Variants in CASD1 observed in about 807,000 individuals in gnomAD.
CASD1 encodes N-acetylneuraminate (7)9-O-acetyltransferase.
A neutral mutation model predicts 100.0 loss-of-function variants in CASD1; 41 were observed. That is an observed-to-expected ratio of 0.41 (90% CI 0.32 to 0.53). The LOEUF (loss-of-function observed/expected upper bound fraction) is 0.53, where lower values mean the gene tolerates loss of function less well. CASD1 is among the 20% of genes least tolerant of loss of function. The pLI is 0.25. For missense variants in CASD1, 774 were observed against 948.7 expected, an observed-to-expected ratio of 0.82 and a Z score of 2.42; for synonymous variants, 321 against 315.6, an observed-to-expected ratio of 1.02 and a Z score of -0.18.
the CASD1 span, among the ~76,000 whole-genome samples, chr7:94,592,830 A>G: frequency 2.2e-4 from 34 of 152,328 alleles, no homozygotes; most frequent in African/African-American, 7.2e-4. Flanking sequence ...ATTTGCATAA[A>G]GCCACAGAAT....
At chr7:94,598,137 C>T in the CASD1 span, 1 of 156,506 alleles carries the variant, frequency 6.4e-6, no homozygotes, top group Non-Finnish European at 1.4e-5. Flanking sequence ...TGCTGCATTA[C>T]AGCATTATAT....
At chr7:94,619,019 A>G in the CASD1 span, 1 of 1,213,986 alleles carries the variant, frequency 8.2e-7, no homozygotes, top group East Asian at 2.3e-5. Context: ...AAGGAAACAA[A>G]AGAACAATTT....
At chr7:94,514,444 G>T (rs780622973) in intron 1 of CASD1, among the ~76,000 whole-genome samples, 2 of 152,178 alleles carry the variant, frequency 1.3e-5, no homozygotes, top group Non-Finnish European at 2.9e-5. Context: ...ATGGTTGGTA[G>T]TAGGAAACAG....
chr7:94,512,120 T>G (rs917451726), intron 1 of CASD1, among the ~76,000 whole-genome samples: 5 of 152,214 alleles, frequency 3.3e-5, no homozygotes, highest in Non-Finnish European at 7.3e-5. Context: ...CACACAAAGA[T>G]AATCATACAT....
chr7:94,539,176 C>G (rs1272232620), intron 10 of CASD1, 120 bp downstream of exon 10: 10 of 432,590 alleles, frequency 2.3e-5, no homozygotes, highest in Non-Finnish European at 4.1e-5. Context: ...CTTCTTATTT[C>G]CCACTTAATC....
At position 94,554,583 on chromosome 7, in the gene CASD1, C is replaced by T; in HGVS notation, c.2127+8C>T. Reference sequence around the variant, plus strand: ...GGAAAAATTTCATTAGAGGTTGGTACATTAATATTTTGCTTATCTTACACA... The same window carrying T: ...GGAAAAATTTCATTAGAGGTTGGTATATTAATATTTTGCTTATCTTACACA... On this transcript the variant is annotated splice_region_variant and intron_variant, in intron 17 of 17. Transcript: ENST00000297273. 1 of 1,577,360 alleles carries T rather than the reference C, an allele frequency of 6.3e-7. No homozygotes were observed. Among genetic ancestry groups the T allele is most frequent in the Non-Finnish European group, 8.7e-7 (1 of 1,148,020 alleles).
chr7:94,546,177 A>G (rs1369792797), intron 12 of CASD1, among the ~76,000 whole-genome samples: 1 of 151,938 alleles, frequency 6.6e-6, no homozygotes, highest in Non-Finnish European at 1.5e-5. Context: ...ATTTAAAAGC[A>G]CTAATATAAT....
At chr7:94,513,326 C>T (rs1793813097) in intron 1 of CASD1, among the ~76,000 whole-genome samples, 1 of 149,860 alleles carries the variant, frequency 6.7e-6, no homozygotes, top group Non-Finnish European at 1.5e-5. Context: ...ATTGTACCAG[C>T]TAAGAGTTTT....
the CASD1 span, among the ~76,000 whole-genome samples, chr7:94,585,890 T>C: frequency 4.6e-5 from 7 of 151,764 alleles, no homozygotes; most frequent in Admixed American, 3.9e-4. Flanking sequence ...TGAGAAAACC[T>C]GAAGGGGCAT....
At chr7:94,570,731 G>T in the CASD1 span, among the ~76,000 whole-genome samples, 1 of 152,162 alleles carries the variant, frequency 6.6e-6, no homozygotes, top group Non-Finnish European at 1.5e-5. Context: ...TGGACCTCAG[G>T]TGATCCAACC....
chr7:94,559,022 A>G (rs918219013), downstream of CASD1, among the ~76,000 whole-genome samples: 4 of 152,008 alleles, frequency 2.6e-5, no homozygotes, highest in African/African-American at 7.2e-5. Flanking sequence ...CTGGTCTCCA[A>G]TTCCTGGCCT....
the CASD1 span, among the ~76,000 whole-genome samples, chr7:94,604,673 G>A: frequency 1.3e-5 from 2 of 150,892 alleles, no homozygotes; most frequent in East Asian, 3.9e-4. Context: ...TGGAAAAACT[G>A]GATATCCACA....
chr7:94,570,371 A>C, the CASD1 span, among the ~76,000 whole-genome samples: 2 of 152,170 alleles, frequency 1.3e-5, no homozygotes, highest in African/African-American at 2.4e-5. Flanking sequence ...ATTTGAATTG[A>C]TAACTGCAAT....
At chr7:94,559,041 C>T (rs1796294105), downstream of CASD1, among the ~76,000 whole-genome samples, 1 of 152,116 alleles carries the variant, frequency 6.6e-6, no homozygotes, top group Non-Finnish European at 1.5e-5. Flanking sequence ...CTCAAGCGAT[C>T]CACCTGCCTC....
the CASD1 span, among the ~76,000 whole-genome samples, chr7:94,591,240 ATATCT>A: frequency 6.6e-6 from 1 of 152,184 alleles, no homozygotes; most frequent in Non-Finnish European, 1.5e-5. Context: ...GGCAAGGCAA[ATATCT>A]TTACTACAGA....
chr7:94,544,392 T>C lies in CASD1; in HGVS notation c.1357-19T>C. ...AGTTGATGCCAACATATGTTTTACC[T>C]GTTTATCTTTGTCAACAGTTTTTGC... On this transcript the variant is annotated intron_variant, in intron 10 of 17. Transcript: ENST00000297273. The C allele has an allele frequency of 1.2e-6, 2 of 1,612,338 alleles. No homozygotes were observed. Among genetic ancestry groups the C allele is most frequent in the Non-Finnish European group, 1.7e-6 (2 of 1,179,072 alleles).
downstream of CASD1, among the ~76,000 whole-genome samples, chr7:94,558,051 ACAGT>A (rs1796264586): frequency 1.3e-5 from 2 of 152,166 alleles, no homozygotes; most frequent in Non-Finnish European, 2.9e-5. Context: ...AATAGAAATC[ACAGT>A]CAGAAATCTA....
chr7:94,621,284 G>A, the CASD1 span: 1 of 152,208 alleles, frequency 6.6e-6, no homozygotes, highest in Non-Finnish European at 1.5e-5. Flanking sequence ...GGTTCAAATA[G>A]GTTTGGGCCA....
At chr7:94,568,430 A>G in the CASD1 span, among the ~76,000 whole-genome samples, 2 of 152,218 alleles carry the variant, frequency 1.3e-5, no homozygotes, top group Admixed American at 1.3e-4. Context: ...TCTTTATTCA[A>G]AAACTATTCA....
Sources: gnomAD v4.1 joint callset for allele counts (sites outside exome capture counted in the v4.1 genomes callset) on GRCh38, gnomAD v4.1.1 for gene constraint, MANE v1.5 for transcripts, NCBI Gene and HGNC (gene_info 2026-07-23, HGNC 2026-07-21) for gene names.